TRRAP: variants seen among roughly 807,000 people sequenced by gnomAD.
TRRAP encodes transformation/transcription domain-associated protein.
A neutral mutation model predicts 438.8 loss-of-function variants in TRRAP; 41 were observed. That is an observed-to-expected ratio of 0.09 (90% CI 0.07 to 0.12). TRRAP has a LOEUF of 0.12. Among genes scored for constraint, TRRAP ranks in the 10% least tolerant of loss-of-function variants. The pLI is 1.00. For synonymous variants in TRRAP, 1,994 were observed against 1,962.9 expected (o/e 1.02, Z -0.42); for missense variants, 3,122 against 5,055.1 (o/e 0.62, Z 11.60).
chr7:98,967,414 AC>A (rs1158583041), intron 50 of TRRAP, 70 bp from the exon 51 acceptor site: 36 of 1,528,942 alleles, frequency 2.4e-5, no homozygotes, highest in Admixed American at 1.9e-4. Context: ...ATCCACGTTC[AC>A]CTGTTTCTGC....
chr7:98,925,301 C>G, intron 22 of TRRAP, 38 bp downstream of exon 22: 1 of 1,603,940 alleles, frequency 6.2e-7, no homozygotes, highest in Non-Finnish European at 8.5e-7. Context: ...TTGGGTGGAT[C>G]CTGTTTTAGG....
intron 5 of TRRAP, among the ~76,000 whole-genome samples, chr7:98,892,752 T>C (rs1466299068): frequency 1.3e-5 from 2 of 152,200 alleles, no homozygotes; most frequent in Non-Finnish European, 2.9e-5. Context: ...TGGCCAGACA[T>C]AGTAGGTACC....
At position 98,994,367 on chromosome 7, in the gene TRRAP, G is replaced by A. The variant is rs867463622; in HGVS notation, c.10048-220G>A. On this transcript the variant is annotated intron_variant, in intron 66 of 72. Transcript: ENST00000456197. This position sits in a 1 kb window ranked among gnomAD's most constrained non-coding sequence, Gnocchi z 4.8. ...CTGTTTTCGCTTTTTGAATGTTCAGGTCCCTTACTCCCCAAGGTCAAAAGC... is the reference window on the plus strand; with the variant it reads ...CTGTTTTCGCTTTTTGAATGTTCAGATCCCTTACTCCCCAAGGTCAAAAGC... Among the ~76,000 whole-genome samples, 4 of 152,142 alleles carry A rather than the reference G, an allele frequency of 2.6e-5. No homozygotes were observed. The highest frequency in any genetic ancestry group is 4.4e-5 in the Non-Finnish European group (3 of 68,028).
intron 20 of TRRAP, among the ~76,000 whole-genome samples, chr7:98,921,244 C>T (rs1323030835): frequency 1.3e-5 from 2 of 152,164 alleles, no homozygotes; most frequent in African/African-American, 2.4e-5. Flanking sequence ...CAGGTACTTT[C>T]TTTATAAAGA....
At position 99,005,248 on chromosome 7, in the gene TRRAP, A is replaced by G. The variant is rs906845436; in HGVS notation, c.10653A>G (p.Thr3551=). Residue 3551 remains threonine, a synonymous_variant, in exon 69 of 73, where the codon ACA becomes ACG. Coordinates refer to ENST00000456197, the MANE Select transcript of TRRAP (RefSeq NM_001375524.1). The surrounding 1 kb of genome is among the most constrained non-coding windows in gnomAD (Gnocchi z 5.1). ...PYLVMNDACL[T]ESRREERVLQ... ...TCGTCATGAACGACGCCTGCCTCACAGAGTCACGGCGAGAGGAGCGTGTGT... is the reference window on the plus strand; with the variant it reads ...TCGTCATGAACGACGCCTGCCTCACGGAGTCACGGCGAGAGGAGCGTGTGT... The G allele has an allele frequency of 2.5e-6, 4 of 1,614,102 alleles. No homozygotes were observed. In the African/African-American group the frequency reaches 5.3e-5, roughly 22 times the overall value.
chr7:98,880,326 C>A (rs1766112550), intron 1 of TRRAP, among the ~76,000 whole-genome samples: 1 of 145,122 alleles, frequency 6.9e-6, no homozygotes, highest in Non-Finnish European at 1.5e-5. Flanking sequence ...TGCAGTGGCA[C>A]AATCTTGGCT....
intron 3 of TRRAP, among the ~76,000 whole-genome samples, chr7:98,883,214 T>C (rs1795541978): frequency 6.6e-6 from 1 of 152,234 alleles, no homozygotes; most frequent in Admixed American, 6.5e-5. Context: ...TCTGATCTTC[T>C]GAGAATTTTT....
rs1179419300 is a variant in TRRAP at position 98,961,192 on chromosome 7, C to G, written c.6490-69C>G. On this transcript the variant is annotated intron_variant, in intron 45 of 72. Transcript: ENST00000456197. ...ATCCAGTGCTAGATTTTGCCAGACTCTTGTTTCTAGAATTTGTTGTCATTG... is the reference window on the plus strand; with the variant it reads ...ATCCAGTGCTAGATTTTGCCAGACTGTTGTTTCTAGAATTTGTTGTCATTG... 3.9e-6 allele frequency: 6 copies of G among 1,539,802 alleles called. No individual in the cohort carries two copies. The Admixed American group carries it at 6.7e-5, about 17-fold the overall frequency.
At chr7:98,928,804 C>T (rs781965712) in intron 23 of TRRAP, among the ~76,000 whole-genome samples, 81 of 151,970 alleles carry the variant, frequency 5.3e-4, no homozygotes, top group Non-Finnish European at 1.1e-3. Flanking sequence ...TACAGAGTCT[C>T]ACTTTGTTGC....
chr7:98,899,333 T>G, intron 8 of TRRAP, 89 bp from the exon 9 acceptor site: 1 of 1,058,682 alleles, frequency 9.4e-7, no homozygotes, highest in Non-Finnish European at 1.4e-6. Context: ...GTTCTCTCTC[T>G]TTCAGTGGGT....
At chr7:99,004,966 T>C (rs1794094532) in intron 68 of TRRAP, among the ~76,000 whole-genome samples, 165 bp from the exon 69 acceptor site, 1 of 152,150 alleles carries the variant, frequency 6.6e-6, no homozygotes, top group Admixed American at 6.5e-5. Flanking sequence ...TTGTGACTCA[T>C]TTACACCGCA....
intron 3 of TRRAP, among the ~76,000 whole-genome samples, chr7:98,888,695 C>G (rs782589413): frequency 1.2e-4 from 18 of 152,172 alleles, no homozygotes; most frequent in Non-Finnish European, 2.4e-4. Flanking sequence ...TGGGTAGCTC[C>G]TACTTGCCTT....
chr7:98,912,004 T>A lies in TRRAP; in HGVS notation c.2008-18T>A. 6.2e-7 allele frequency: 1 copy of A among 1,601,442 alleles called. No individual in the cohort carries two copies. ...GGGGAAGGGATTAATTTTTCACATGTGTTTCTTGTATTGACAGATTGTTGC... is the reference window on the plus strand; with the variant it reads ...GGGGAAGGGATTAATTTTTCACATGAGTTTCTTGTATTGACAGATTGTTGC... On this transcript the variant is annotated intron_variant, in intron 17 of 72. Transcript: ENST00000456197.
chr7:98,934,071 A>T (rs1554413679), intron 27 of TRRAP, among the ~76,000 whole-genome samples: 1 of 152,176 alleles, frequency 6.6e-6, no homozygotes, highest in Non-Finnish European at 1.5e-5. Context: ...ATGGCATCTT[A>T]TGAGTATTTG....
chr7:98,883,340 T>C (rs1795547167), intron 3 of TRRAP, among the ~76,000 whole-genome samples: 1 of 152,230 alleles, frequency 6.6e-6, no homozygotes, highest in African/African-American at 2.4e-5. Context: ...CTTCATACAT[T>C]TCATTTATCT....
At chr7:99,007,974 T>G (rs917559757) in intron 69 of TRRAP, among the ~76,000 whole-genome samples, 2 of 151,846 alleles carry the variant, frequency 1.3e-5, no homozygotes, top group Non-Finnish European at 2.9e-5. Context: ...TACAGGCACC[T>G]GCCACCACTC....
At chr7:98,935,269 G>C (rs1239754586) in intron 27 of TRRAP, among the ~76,000 whole-genome samples, 1 of 152,110 alleles carries the variant, frequency 6.6e-6, no homozygotes, top group Non-Finnish European at 1.5e-5. Context: ...TTTGCAGTTA[G>C]ATAAAGTAAC....
chr7:98,952,822 C>A (rs3815231), intron 39 of TRRAP, among the ~76,000 whole-genome samples: 106,272 of 152,002 alleles, frequency 0.7, 41,630 homozygotes, highest in South Asian at 0.87. Flanking sequence ...AACGTGGGGC[C>A]GTCACCTGTG....
intron 28 of TRRAP, among the ~76,000 whole-genome samples, chr7:98,936,196 C>T (rs1790547414): frequency 6.6e-6 from 1 of 152,172 alleles, no homozygotes; most frequent in Admixed American, 6.5e-5. Flanking sequence ...ATACCCAATA[C>T]AAACTTTTTT....
Sources: allele counts gnomAD v4.1 joint callset (sites outside exome capture counted in the v4.1 genomes callset), GRCh38; gene constraint gnomAD v4.1.1; non-coding constraint Gnocchi (gnomAD v3.1); transcripts MANE v1.5; gene names NCBI Gene and HGNC (gene_info 2026-07-23, HGNC 2026-07-21).